The following DOP1A variants were observed in gnomAD, a reference collection of about 807,000 sequenced individuals.
The protein encoded by DOP1A is protein DOP1A.
DOP1A carries 90 observed loss-of-function variants against 267.6 expected under a neutral mutation model. That is an observed-to-expected ratio of 0.34 (90% CI 0.28 to 0.40). The LOEUF (loss-of-function observed/expected upper bound fraction) is 0.40, where lower values mean the gene tolerates loss of function less well. DOP1A is among the 10% of genes least tolerant of loss of function. The pLI is 1.00. For missense variants in DOP1A, 2,437 were observed against 2,900.4 expected, an observed-to-expected ratio of 0.84 and a Z score of 3.67; for synonymous variants, 932 against 999.1, an observed-to-expected ratio of 0.93 and a Z score of 1.27.
intron 24 of DOP1A, among the ~76,000 whole-genome samples, chr6:83,144,526 G>A (rs9449580): frequency 6.6e-6 from 1 of 151,998 alleles, no homozygotes; most frequent in African/African-American, 2.4e-5. Context: ...ACAAAAAGTT[G>A]TACCATAAAA....
intron 7 of DOP1A, among the ~76,000 whole-genome samples, chr6:83,118,419 T>A (rs987079059): frequency 1.6e-4 from 24 of 152,134 alleles, no homozygotes; most frequent in African/African-American, 5.6e-4. Flanking sequence ...CGGTTTATTA[T>A]TTTGTTTTCT....
chr6:83,153,442 A>C, intron 30 of DOP1A, 69 bp from the exon 31 acceptor site: 1 of 976,948 alleles, frequency 1.0e-6, no homozygotes, highest in Non-Finnish European at 1.5e-6. Context: ...TAACAAACTG[A>C]AAATCAGTAC....
intron 1 of DOP1A, among the ~76,000 whole-genome samples, chr6:83,078,380 A>G (rs1767490791): frequency 6.6e-6 from 1 of 152,208 alleles, no homozygotes; most frequent in Non-Finnish European, 1.5e-5. Context: ...AGCAGGGAAC[A>G]TGCTCCACCT....
Position 83,109,092 on chromosome 6 carries a change from T to G in DOP1A, c.491+12T>G, listed in dbSNP as rs1774125426. 2.5e-6 allele frequency: 4 copies of G among 1,605,656 alleles called. No homozygotes were observed. Among genetic ancestry groups the G allele is most frequent in the Non-Finnish European group, 3.4e-6 (4 of 1,177,776 alleles). The stretch of plus-strand genomic sequence containing the variant: ...GAGTACTATGAGAGGTAAGATCATA[T>G]TTGGTGCAGTTATGTAATTGAAGTC... On this transcript the variant is annotated intron_variant, in intron 5 of 38. Coordinates refer to ENST00000349129, the MANE Select transcript of DOP1A (RefSeq NM_015018.4).
chr6:83,092,749 G>A (rs1770695226), intron 1 of DOP1A, among the ~76,000 whole-genome samples: 1 of 151,894 alleles, frequency 6.6e-6, no homozygotes, highest in South Asian at 2.1e-4. Flanking sequence ...TAAAATAAGG[G>A]CACAAGCACT....
intron 1 of DOP1A, among the ~76,000 whole-genome samples, chr6:83,094,528 T>C (rs1456708976): frequency 6.6e-6 from 1 of 152,250 alleles, no homozygotes; most frequent in Admixed American, 6.5e-5. Context: ...CAGCAGTGTA[T>C]GAGGGTTCCA....
At chr6:83,083,215 C>G (rs1768451472) in intron 1 of DOP1A, among the ~76,000 whole-genome samples, 1 of 151,994 alleles carries the variant, frequency 6.6e-6, no homozygotes, top group African/African-American at 2.4e-5. Context: ...AGTGGTGAAC[C>G]ACTTGGGGTA....
intron 14 of DOP1A, 151 bp downstream of exon 14, chr6:83,125,346 G>C: frequency 9.6e-7 from 1 of 1,045,586 alleles, no homozygotes; most frequent in Non-Finnish European, 1.4e-6. Context: ...AATTTTATAA[G>C]GCATCAGTAA....
Position 83,138,445 on chromosome 6 carries a change from A to T in DOP1A, c.4403A>T (p.Tyr1468Phe). 6.2e-7 allele frequency: 1 copy of T among 1,612,600 alleles called. No homozygotes were observed. Among genetic ancestry groups the T allele is most frequent in the Non-Finnish European group, 8.5e-7 (1 of 1,179,886 alleles). ...TGCTTATATTACATGCGTAGCCATT[A>T]CCCAACTCATGTCAAGGTTACTGCA... Reference protein sequence around the residue: ...SLCLYYMRSHYPTHVKVTAQD... With the variant: ...SLCLYYMRSHFPTHVKVTAQD... The change falls in exon 21 of 39, where the codon TAC (tyrosine) becomes TTC (phenylalanine). Residue 1468 changes from tyrosine to phenylalanine, a missense_variant. Physicochemically the swap from Tyr to Phe is conservative, Grantham distance 22. This residue lies in a region of DOP1A where 878 missense variants were observed against 992.9 expected (regional missense o/e 0.88). Coordinates refer to ENST00000349129, the MANE Select transcript of DOP1A (RefSeq NM_015018.4).
intron 1 of DOP1A, among the ~76,000 whole-genome samples, chr6:83,073,984 A>T (rs1227257219): frequency 2.0e-5 from 3 of 152,232 alleles, no homozygotes; most frequent in Non-Finnish European, 4.4e-5. Context: ...ACAGGCCAGC[A>T]GTGATTCCAT....
chr6:83,138,519 C>T lies in DOP1A; in HGVS notation c.4477C>T (p.Leu1493=). The change falls in exon 21 of 39, where the codon CTG becomes TTG. Residue 1493 remains leucine, a synonymous_variant. Transcript: ENST00000349129. The stretch of plus-strand genomic sequence containing the variant: ...CATGCAAATGATGAGCATAGAAATT[C>T]TGACACTACTCTTCACTGAGCTGGC... ...RNMQMMSIEI[L]TLLFTELAKV... is the part of the protein sequence containing the mutation. The T allele has an allele frequency of 6.2e-7, 1 of 1,613,734 alleles. No homozygotes were observed. Among genetic ancestry groups the T allele is most frequent in the Non-Finnish European group, 8.5e-7 (1 of 1,179,936 alleles).
chr6:83,165,387 G>C (rs1785227763), intron 38 of DOP1A: 1 of 152,290 alleles, frequency 6.6e-6, no homozygotes, highest in Non-Finnish European at 1.5e-5. Flanking sequence ...TCTTTTCTTG[G>C]TTTGCTCCTA....
chr6:83,131,985 G>C (rs917285595), intron 17 of DOP1A, among the ~76,000 whole-genome samples, 191 bp from the exon 18 acceptor site: 2 of 152,132 alleles, frequency 1.3e-5, no homozygotes, highest in Admixed American at 1.3e-4. Flanking sequence ...ATCATAAAAG[G>C]TTCCAAGGGC....
chr6:83,091,304 A>C (rs1302964303), intron 1 of DOP1A, among the ~76,000 whole-genome samples: 2 of 152,178 alleles, frequency 1.3e-5, no homozygotes, highest in African/African-American at 2.4e-5. Flanking sequence ...CCATCTTTTC[A>C]CATGAAAAGT....
rs757587957 is a variant in DOP1A, at chr6:83,118,957, C to G, written c.850C>G (p.Leu284Val). Residue 284 changes from leucine to valine, a missense_variant, in exon 8 of 39, where the codon CTG becomes GTG. Transcript: ENST00000349129. ...TGTAGTGCTAAGGAGGGATATGTCT[C>G]TGAATCGAAGACTTTATGCATGGCT... Reference protein sequence around the residue: ...LHVVLRRDMSLNRRLYAWLLG... With the variant: ...LHVVLRRDMSVNRRLYAWLLG... 5 of 1,613,570 alleles carry G rather than the reference C, an allele frequency of 3.1e-6. No homozygotes were observed. The South Asian group carries it at 4.4e-5, about 14-fold the overall frequency.
intron 6 of DOP1A, among the ~76,000 whole-genome samples, chr6:83,113,104 CAG>C (rs1361282666): frequency 2.0e-5 from 3 of 152,028 alleles, no homozygotes; most frequent in Non-Finnish European, 4.4e-5. Context: ...GCCTACAAAA[CAG>C]AAGTTGGATA....
Position 83,159,875 on chromosome 6 carries a change from C to T in DOP1A, c.6877C>T (p.Arg2293Trp), listed in dbSNP as rs779312999. 2.5e-6 allele frequency: 4 copies of T among 1,613,996 alleles called. No homozygotes were observed. The highest frequency in any genetic ancestry group is 3.4e-6 in the Non-Finnish European group (4 of 1,179,970). ...NGFSTSYNSQ[R>W]WLNLYLSACK... Reference sequence around the variant, plus strand: ...CTTCTCTACTTCATATAACAGCCAGCGGTGGTTAAACCTCTATCTCTCTGC... The same window carrying T: ...CTTCTCTACTTCATATAACAGCCAGTGGTGGTTAAACCTCTATCTCTCTGC... The change falls in exon 37 of 39, where the codon CGG (arginine) becomes TGG (tryptophan). Residue 2293 changes from arginine to tryptophan, a missense_variant. Around this residue, in one of 9 missense-constraint regions of DOP1A, gnomAD observed 197 missense variants for 246.5 expected, o/e 0.80. Transcript: ENST00000349129.
At chr6:83,105,642 C>T (rs1389550201) in intron 4 of DOP1A, among the ~76,000 whole-genome samples, 2 of 151,978 alleles carry the variant, frequency 1.3e-5, no homozygotes, top group African/African-American at 4.8e-5. Context: ...AGGTTACAGG[C>T]GTGAGCCACT....
At position 83,118,819 on chromosome 6, in the gene DOP1A, T is replaced by G. The variant is rs964651431; in HGVS notation, c.781-69T>G. ...ATATTCTAAGCATATTTCAGGGCAT[T>G]TTTTAAAGAGGAAAAAAATAATATA... is the stretch of plus-strand genomic sequence containing the variant. On this transcript the variant is annotated intron_variant, in intron 7 of 38. Transcript: ENST00000349129. 3 of 1,398,410 alleles carry G rather than the reference T, an allele frequency of 2.1e-6. No individual in the cohort carries two copies. The African/African-American group carries it at 4.3e-5, about 20-fold the overall frequency. 86.6% of individuals were successfully genotyped at this position (1,398,410 alleles called of 1,614,324 possible). A position where few individuals can be genotyped will look rare whatever the true frequency, so the allele number is the denominator to read the frequency against.
Sources: gnomAD v4.1 joint callset for allele counts (sites outside exome capture counted in the v4.1 genomes callset) on GRCh38, gnomAD v4.1.1 for gene constraint, gnomAD v4.1.1 regional missense constraint, MANE v1.5 for transcripts, NCBI Gene and HGNC (gene_info 2026-07-23, HGNC 2026-07-21) for gene names.